The following UNC13B variants were observed in gnomAD, a reference collection of about 807,000 sequenced individuals.
The protein encoded by UNC13B is unc-13 homolog B, also known as protein unc-13 homolog B.
A neutral mutation model predicts 211.0 loss-of-function variants in UNC13B; 144 were observed. That is an observed-to-expected ratio of 0.68 (90% CI 0.60 to 0.78). UNC13B has a LOEUF of 0.78. Ranked by LOEUF, UNC13B falls within the 30% of genes least tolerant of loss-of-function variation. UNC13B has a pLI of 0.00. For synonymous variants in UNC13B, 709 were observed against 725.8 expected, an observed-to-expected ratio of 0.98 and a Z score of 0.37; for missense variants, 1,777 against 2,002.0, an observed-to-expected ratio of 0.89 and a Z score of 2.14.
intron 6 of UNC13B, among the ~76,000 whole-genome samples, chr9:35,257,964 T>G (rs1827031567): frequency 6.6e-6 from 1 of 152,136 alleles, no homozygotes; most frequent in Non-Finnish European, 1.5e-5. Context: ...CATAATTCTC[T>G]CATGCTTAAA....
At chr9:35,165,711 C>T (rs1821004001) in intron 1 of UNC13B, among the ~76,000 whole-genome samples, 1 of 152,104 alleles carries the variant, frequency 6.6e-6, no homozygotes, top group Admixed American at 6.5e-5. Flanking sequence ...GCCACTGCGC[C>T]CGGCCTAGAC....
At position 35,260,872 on chromosome 9, in the gene UNC13B, T is replaced by C. The variant is rs540474598; in HGVS notation, c.526+1822T>C. Among the ~76,000 whole-genome samples, 12 of 152,258 alleles carry C rather than the reference T, an allele frequency of 7.9e-5. No individual in the cohort carries two copies. In the South Asian group the frequency reaches 2.5e-3, roughly 32 times the overall value. On this transcript the variant is annotated intron_variant, in intron 7 of 39. Coordinates refer to ENST00000635942, the MANE Select transcript of UNC13B (RefSeq NM_001371189.2). ...GAGAAGCAAAATGTAAAGATTGAGA[T>C]TTTACTTCCTACTCCTTCCTGGTCT...
intron 11 of UNC13B, among the ~76,000 whole-genome samples, chr9:35,325,147 CTA>C (rs1830937554): frequency 6.6e-6 from 1 of 152,166 alleles, no homozygotes; most frequent in African/African-American, 2.4e-5. Context: ...GATGAGGTAA[CTA>C]TCTTATGCAC....
chr9:35,274,035 T>C (rs555155778), intron 7 of UNC13B, among the ~76,000 whole-genome samples: 2 of 152,268 alleles, frequency 1.3e-5, no homozygotes, highest in East Asian at 3.9e-4. Context: ...AACACCATCT[T>C]GAGAGGATCT....
At chr9:35,392,317 G>A (rs2132320441) in intron 26 of UNC13B, among the ~76,000 whole-genome samples, 1 of 152,310 alleles carries the variant, frequency 6.6e-6, no homozygotes, top group South Asian at 2.1e-4. Context: ...AGGGCAGCTA[G>A]AATAGGGAGA....
intron 31 of UNC13B, 95 bp downstream of exon 31, chr9:35,398,383 G>A: frequency 6.8e-7 from 1 of 1,464,952 alleles, no homozygotes; most frequent in Non-Finnish European, 9.4e-7. Flanking sequence ...GTGTAGGCCA[G>A]GAATTTAGCT....
chr9:35,323,877 C>T (rs542326966), intron 11 of UNC13B, among the ~76,000 whole-genome samples: 2 of 152,116 alleles, frequency 1.3e-5, no homozygotes, highest in South Asian at 4.1e-4. Flanking sequence ...TCCCATAATT[C>T]CCCATTTATT....
At chr9:35,374,605 AC>A (rs1834275653) in intron 13 of UNC13B, among the ~76,000 whole-genome samples, 1 of 152,176 alleles carries the variant, frequency 6.6e-6, no homozygotes, top group African/African-American at 2.4e-5. Context: ...TGCCCTTTTC[AC>A]TTGCCAAGTG....
At position 35,259,630 on chromosome 9, in the gene UNC13B, C is replaced by A. The variant is rs187038069; in HGVS notation, c.526+580C>A. 1.3e-4 allele frequency among the ~76,000 whole-genome samples: 20 copies of A among 151,986 alleles called. No homozygotes were observed. The East Asian group carries it at 3.3e-3, about 25-fold the overall frequency. On this transcript the variant is annotated intron_variant, in intron 7 of 39. Coordinates refer to ENST00000635942, the MANE Select transcript of UNC13B (RefSeq NM_001371189.2). ...TCTCCTGAGATTGATTTGTCAAGAT[C>A]ACACAGATTAATTATTGAAATGAGC...
At chr9:35,312,788 A>G (rs1456807829) in intron 10 of UNC13B, among the ~76,000 whole-genome samples, 1 of 152,226 alleles carries the variant, frequency 6.6e-6, no homozygotes, top group Admixed American at 6.5e-5. Flanking sequence ...AATGTGGATA[A>G]TGAGTTGTTC....
At chr9:35,388,679 C>G (rs1166373050) in intron 24 of UNC13B, among the ~76,000 whole-genome samples, 1 of 152,108 alleles carries the variant, frequency 6.6e-6, no homozygotes, top group Non-Finnish European at 1.5e-5. Flanking sequence ...ACATAATAAG[C>G]AGTAAATAAG....
At chr9:35,312,445 T>C (rs1035223498) in intron 10 of UNC13B, among the ~76,000 whole-genome samples, 3 of 152,230 alleles carry the variant, frequency 2.0e-5, no homozygotes, top group African/African-American at 7.2e-5. Context: ...ACTGAAAAAC[T>C]GACTCTGGCT....
intron 3 of UNC13B, 64 bp from the exon 4 acceptor site, chr9:35,236,405 G>A: frequency 3.1e-6 from 4 of 1,308,072 alleles, no homozygotes; most frequent in Non-Finnish European, 3.3e-6. Flanking sequence ...TAGCAAAACA[G>A]GAGATGTAGT....
intron 11 of UNC13B, among the ~76,000 whole-genome samples, chr9:35,339,085 T>C (rs1831832938): frequency 6.6e-6 from 1 of 152,204 alleles, no homozygotes; most frequent in Non-Finnish European, 1.5e-5. Context: ...GTGTATCATG[T>C]TGAGTTTCCA....
intron 12 of UNC13B, among the ~76,000 whole-genome samples, chr9:35,367,761 T>C (rs950730355): frequency 3.9e-5 from 6 of 152,342 alleles, no homozygotes; most frequent in African/African-American, 1.2e-4. Context: ...GCTTCTTGTT[T>C]GGGAGTTTCA....
chr9:35,233,608 C>T (rs965841186), intron 3 of UNC13B, among the ~76,000 whole-genome samples: 1 of 152,110 alleles, frequency 6.6e-6, no homozygotes, highest in African/African-American at 2.4e-5. Flanking sequence ...TTCCTATCTC[C>T]CGTTCTCCTT....
intron 7 of UNC13B, among the ~76,000 whole-genome samples, chr9:35,278,732 T>G (rs1564109606): frequency 6.6e-6 from 1 of 151,742 alleles, no homozygotes; most frequent in Non-Finnish European, 1.5e-5. Flanking sequence ...CCATTTTATT[T>G]TATTTTTTGA....
intron 1 of UNC13B, among the ~76,000 whole-genome samples, chr9:35,168,481 C>A (rs930774375): frequency 6.6e-6 from 1 of 152,054 alleles, no homozygotes; most frequent in Non-Finnish European, 1.5e-5. Flanking sequence ...TTTCTCATTG[C>A]TGTTTTCTTT....
chr9:35,334,772 C>T (rs1039135699), intron 11 of UNC13B, among the ~76,000 whole-genome samples: 2 of 152,310 alleles, frequency 1.3e-5, no homozygotes, highest in South Asian at 4.1e-4. Flanking sequence ...CGCGGTGGCT[C>T]ACGCCTGTAA....
Sources: gnomAD v4.1 joint callset for allele counts (sites outside exome capture counted in the v4.1 genomes callset) on GRCh38, gnomAD v4.1.1 for gene constraint, MANE v1.5 for transcripts, NCBI Gene and HGNC (gene_info 2026-07-23, HGNC 2026-07-21) for gene names.